GPD1L: variants seen among roughly 807,000 people sequenced by gnomAD.
GPD1L encodes glycerol-3-phosphate dehydrogenase 1 like.
In GPD1L, 17 loss-of-function variants were observed where a neutral mutation model predicts 32.9. The ratio of observed to expected loss-of-function variants is 0.52; its 90% CI spans 0.35 to 0.78. The LOEUF (loss-of-function observed/expected upper bound fraction) is 0.78, where lower values mean the gene tolerates loss of function less well. Among genes scored for constraint, GPD1L ranks in the 30% least tolerant of loss-of-function variants. The pLI is 0.01. For synonymous variants in GPD1L, 187 were observed against 165.9 expected, an observed-to-expected ratio of 1.13 and a Z score of -0.98; for missense variants, 361 against 447.8, an observed-to-expected ratio of 0.81 and a Z score of 1.75.
chr3:32,121,065 G>A (rs1367678017), intron 1 of GPD1L, among the ~76,000 whole-genome samples: 1 of 152,116 alleles, frequency 6.6e-6, no homozygotes, highest in Admixed American at 6.5e-5. Context: ...ATTTGAAACA[G>A]TGCCTGACAC....
intron 2 of GPD1L, among the ~76,000 whole-genome samples, chr3:32,130,324 CA>C (rs1473532481): frequency 6.6e-6 from 1 of 152,104 alleles, no homozygotes; most frequent in African/African-American, 2.4e-5. Context: ...AATTTTTGAC[CA>C]ATATGTCCCC....
At chr3:32,112,165 C>T (rs2125467745) in intron 1 of GPD1L, among the ~76,000 whole-genome samples, 1 of 152,062 alleles carries the variant, frequency 6.6e-6, no homozygotes, top group East Asian at 1.9e-4. Context: ...CTTCATCTCC[C>T]CCACCTGTTT....
chr3:32,127,269 A>G (rs1700524112), intron 1 of GPD1L, among the ~76,000 whole-genome samples: 1 of 152,222 alleles, frequency 6.6e-6, no homozygotes, highest in Non-Finnish European at 1.5e-5. Context: ...AAGGTCATCT[A>G]AGAAACAAAC....
chr3:32,155,305 T>G (rs1700972415), intron 5 of GPD1L, among the ~76,000 whole-genome samples: 1 of 151,992 alleles, frequency 6.6e-6, no homozygotes, highest in African/African-American at 2.4e-5. Context: ...AATAGGAGGA[T>G]AGGTACATAC....
intron 1 of GPD1L, among the ~76,000 whole-genome samples, chr3:32,124,655 G>A (rs1268777564): frequency 6.6e-6 from 1 of 152,206 alleles, no homozygotes; most frequent in East Asian, 1.9e-4. Flanking sequence ...GCTGGGCGCA[G>A]TGGCTCATGC....
At chr3:32,149,534 A>G (rs1170117540) in intron 5 of GPD1L, among the ~76,000 whole-genome samples, 1 of 152,250 alleles carries the variant, frequency 6.6e-6, no homozygotes, top group Non-Finnish European at 1.5e-5. Context: ...CAAAGGATTT[A>G]TGCATAATCA....
At chr3:32,124,604 G>C (rs943373382) in intron 1 of GPD1L, among the ~76,000 whole-genome samples, 2 of 152,164 alleles carry the variant, frequency 1.3e-5, no homozygotes, top group Non-Finnish European at 2.9e-5. Context: ...ACAGATAAAA[G>C]TGGACAACAG....
intron 4 of GPD1L, among the ~76,000 whole-genome samples, chr3:32,144,783 T>C (rs555163191): frequency 3.9e-4 from 59 of 151,060 alleles, no homozygotes; most frequent in Non-Finnish European, 7.1e-4. Context: ...CCCCCTGGGC[T>C]CAAATGATTC....
intron 5 of GPD1L, among the ~76,000 whole-genome samples, chr3:32,157,806 T>C (rs1337760452): frequency 6.6e-6 from 1 of 152,154 alleles, no homozygotes; most frequent in Non-Finnish European, 1.5e-5. Flanking sequence ...CCGTAAAACA[T>C]TATTTACAAA....
chr3:32,127,945 C>T (rs1700535165), intron 1 of GPD1L, 131 bp from the exon 2 acceptor site: 2 of 723,154 alleles, frequency 2.8e-6, no homozygotes, highest in Non-Finnish European at 2.5e-6. Flanking sequence ...GGGGCTGATA[C>T]ACGTCACATC....
At chr3:32,150,819 G>A (rs1413237021) in intron 5 of GPD1L, among the ~76,000 whole-genome samples, 5 of 152,154 alleles carry the variant, frequency 3.3e-5, no homozygotes, top group African/African-American at 7.2e-5. Context: ...GCTGGACGTC[G>A]TGGGTCATCC....
At chr3:32,148,488 C>T (rs997547695) in intron 5 of GPD1L, among the ~76,000 whole-genome samples, 7 of 152,272 alleles carry the variant, frequency 4.6e-5, no homozygotes, top group Middle Eastern at 3.4e-3. Context: ...TCTTTTAAAA[C>T]GAGATCAGTT....
intron 3 of GPD1L, among the ~76,000 whole-genome samples, 178 bp from the exon 4 acceptor site, chr3:32,140,050 G>A (rs1387488911): frequency 1.3e-5 from 2 of 152,190 alleles, no homozygotes; most frequent in East Asian, 3.9e-4. Context: ...CACGAGTGAT[G>A]AGTACATGTT....
At chr3:32,145,254 G>A (rs1700803577) in intron 4 of GPD1L, among the ~76,000 whole-genome samples, 1 of 152,076 alleles carries the variant, frequency 6.6e-6, no homozygotes, top group Admixed American at 6.5e-5. Context: ...GGGAGGTGGA[G>A]GTTGCAGTGA....
At chr3:32,119,759 T>G (rs1700381452) in intron 1 of GPD1L, among the ~76,000 whole-genome samples, 1 of 152,182 alleles carries the variant, frequency 6.6e-6, no homozygotes, top group Admixed American at 6.5e-5. Flanking sequence ...ACATGTTATT[T>G]AAACCACAAA....
rs1700411458 is a variant in GPD1L at position 32,121,493 on chromosome 3, ATATATTTCTCTC to A, written c.48-6577_48-6566del. Among the ~76,000 whole-genome samples, 3 of 134,638 alleles carry A rather than the reference ATATATTTCTCTC, an allele frequency of 2.2e-5. 1 individual carries two copies. The highest frequency in any genetic ancestry group is 5.9e-5 in the African/African-American group (2 of 33,990). 88.3% of individuals were successfully genotyped at this position (134,638 alleles called of 152,430 possible). A position where few individuals can be genotyped will look rare whatever the true frequency, so the allele number is the denominator to read the frequency against. ...TCTCTCTATATATATTTCTCTCTATATATATTTCTCTCTATATATATTTCTCTCTATATATAT... is the reference window on the plus strand; with the variant it reads ...TCTCTCTATATATATTTCTCTCTATATATATATATTTCTCTCTATATATAT... On this transcript the variant is annotated intron_variant, in intron 1 of 7. Coordinates refer to ENST00000282541, the MANE Select transcript of GPD1L (RefSeq NM_015141.4).
intron 1 of GPD1L, among the ~76,000 whole-genome samples, chr3:32,113,095 A>G (rs1033897400): frequency 6.6e-6 from 1 of 152,196 alleles, no homozygotes; most frequent in Non-Finnish European, 1.5e-5. Context: ...TCCTTCTGAG[A>G]AATAAAATGG....
intron 7 of GPD1L, among the ~76,000 whole-genome samples, chr3:32,165,387 T>TTTGTGGTGATGTGTAGACTGCTTCA (rs11276494): frequency 4.6e-5 from 7 of 151,950 alleles, no homozygotes; most frequent in Non-Finnish European, 7.4e-5. Context: ...GCCTACATTA[T>TTTGTGGTGATGTGTAGACTGCTTCA]TTGTTACCTT....
intron 5 of GPD1L, among the ~76,000 whole-genome samples, chr3:32,154,152 A>G (rs879506101): frequency 3.3e-5 from 5 of 152,194 alleles, no homozygotes; most frequent in Non-Finnish European, 7.3e-5. Flanking sequence ...AAGATCTGTC[A>G]TAAGGCGACT....
Sources: gnomAD v4.1 joint callset for allele counts (sites outside exome capture counted in the v4.1 genomes callset) on GRCh38, gnomAD v4.1.1 for gene constraint, MANE v1.5 for transcripts, NCBI Gene and HGNC (gene_info 2026-07-23, HGNC 2026-07-21) for gene names.